The following SLC49A4 variants were observed in gnomAD, a reference collection of about 807,000 sequenced individuals.
The protein encoded by SLC49A4 is solute carrier family 49 member 4.
SLC49A4 carries 36 observed loss-of-function variants against 50.6 expected under a neutral mutation model. The ratio of observed to expected loss-of-function variants is 0.71; its 90% CI spans 0.55 to 0.94. The LOEUF is 0.94. Ranked by LOEUF, SLC49A4 falls within the 40% of genes least tolerant of loss-of-function variation. The pLI is 0.00. For synonymous variants in SLC49A4, 248 were observed against 241.2 expected (o/e 1.03, Z -0.26); for missense variants, 503 against 605.7 (o/e 0.83, Z 1.78).
intron 8 of SLC49A4, among the ~76,000 whole-genome samples, chr3:122,877,329 A>G (rs1209353305): frequency 1.3e-5 from 2 of 152,186 alleles, no homozygotes; most frequent in African/African-American, 2.4e-5. Context: ...GAATTTACTG[A>G]GAGGTGGATT....
chr3:122,806,037 C>T (rs1284864854), intron 1 of SLC49A4, among the ~76,000 whole-genome samples: 2 of 152,138 alleles, frequency 1.3e-5, no homozygotes, highest in African/African-American at 4.8e-5. Flanking sequence ...CTTCCTATGA[C>T]GCTTTAACAA....
At chr3:122,833,587 AT>A in intron 4 of SLC49A4, 141 bp downstream of exon 4, 1 of 744,080 alleles carries the variant, frequency 1.3e-6, no homozygotes, top group Non-Finnish European at 1.9e-6. Context: ...CTAATTGAAT[AT>A]TTTAGATTTC....
intron 4 of SLC49A4, among the ~76,000 whole-genome samples, chr3:122,840,622 T>G (rs187594816): frequency 7.5e-4 from 114 of 152,280 alleles, no homozygotes; most frequent in African/African-American, 2.4e-3. Flanking sequence ...ATGAGATATG[T>G]TATTCATAAC....
chr3:122,845,009 T>TA (rs1038633169), intron 4 of SLC49A4, among the ~76,000 whole-genome samples: 3 of 152,138 alleles, frequency 2.0e-5, no homozygotes, highest in Admixed American at 2.0e-4. Flanking sequence ...GCAGATTTGT[T>TA]ACATGGGTAA....
At chr3:122,876,295 C>T (rs1317964355) in intron 8 of SLC49A4, among the ~76,000 whole-genome samples, 1 of 152,116 alleles carries the variant, frequency 6.6e-6, no homozygotes, top group African/African-American at 2.4e-5. Context: ...AGCTTTGCAG[C>T]GGGTTTTGCT....
At chr3:122,799,843 A>G (rs1044591784) in intron 1 of SLC49A4, among the ~76,000 whole-genome samples, 2 of 152,150 alleles carry the variant, frequency 1.3e-5, no homozygotes, top group African/African-American at 4.8e-5. Context: ...AAGGAAGGAG[A>G]CGAGTCTAAG....
chr3:122,837,151 G>T (rs1398159242), intron 4 of SLC49A4, among the ~76,000 whole-genome samples: 1 of 152,152 alleles, frequency 6.6e-6, no homozygotes, highest in African/African-American at 2.4e-5. Flanking sequence ...GTAATTTATA[G>T]ATTCAATGCC....
chr3:122,874,682 GAC>G (rs1370407763), intron 8 of SLC49A4, among the ~76,000 whole-genome samples: 1 of 152,190 alleles, frequency 6.6e-6, no homozygotes, highest in Non-Finnish European at 1.5e-5. Context: ...TGAGGTTTGG[GAC>G]ATGAATGATC....
chr3:122,800,757 G>A (rs1936117971), intron 1 of SLC49A4, among the ~76,000 whole-genome samples: 1 of 152,102 alleles, frequency 6.6e-6, no homozygotes, highest in African/African-American at 2.4e-5. Context: ...GATGGTGGAT[G>A]ATAAGAGCTT....
At chr3:122,814,200 G>A (rs1365195413) in intron 2 of SLC49A4, among the ~76,000 whole-genome samples, 2 of 152,204 alleles carry the variant, frequency 1.3e-5, no homozygotes, top group Non-Finnish European at 2.9e-5. Context: ...CCTGGGAGGC[G>A]GAGGTTACAG....
At chr3:122,866,683 G>C (rs1234123170) in intron 7 of SLC49A4, among the ~76,000 whole-genome samples, 1 of 152,074 alleles carries the variant, frequency 6.6e-6, no homozygotes, top group African/African-American at 2.4e-5. Flanking sequence ...TGTCATGTCT[G>C]ACCTTAGCTT....
intron 2 of SLC49A4, among the ~76,000 whole-genome samples, chr3:122,817,325 A>G (rs985108304): frequency 6.6e-6 from 1 of 152,218 alleles, no homozygotes; most frequent in African/African-American, 2.4e-5. Flanking sequence ...GCGGGCGGCC[A>G]CTACAAGCTG....
At chr3:122,852,435 A>C (rs1486631108) in intron 5 of SLC49A4, among the ~76,000 whole-genome samples, 2 of 152,028 alleles carry the variant, frequency 1.3e-5, no homozygotes, top group Non-Finnish European at 2.9e-5. Context: ...TATATGTTTG[A>C]TATTTGGTAA....
At chr3:122,853,105 A>G (rs1171954634) in intron 5 of SLC49A4, among the ~76,000 whole-genome samples, 1 of 152,194 alleles carries the variant, frequency 6.6e-6, no homozygotes, top group African/African-American at 2.4e-5. Flanking sequence ...TGGAGGCTAG[A>G]AAGTCCAAGA....
At position 122,823,825 on chromosome 3, in the gene SLC49A4, G is replaced by A. The variant is rs150911508; in HGVS notation, c.438-2975G>A. 3.5e-3 allele frequency among the ~76,000 whole-genome samples: 525 copies of A among 152,046 alleles called. 3 individuals carry two copies. Among genetic ancestry groups the A allele is most frequent in the Non-Finnish European group, 4.6e-3 (313 of 67,992 alleles). On this transcript the variant is annotated intron_variant, in intron 2 of 8. Coordinates refer to ENST00000261038, the MANE Select transcript of SLC49A4 (RefSeq NM_032839.3). ...ACATATCTTTTTACAGATTTATTTCGTAAAATGATGTTTGTTAATGGTAGG... is the reference window on the plus strand; with the variant it reads ...ACATATCTTTTTACAGATTTATTTCATAAAATGATGTTTGTTAATGGTAGG...
intron 2 of SLC49A4, among the ~76,000 whole-genome samples, chr3:122,818,109 TTAA>T (rs924667667): frequency 1.3e-5 from 2 of 152,216 alleles, no homozygotes; most frequent in African/African-American, 4.8e-5. Flanking sequence ...ACCAGCATTA[TTAA>T]TATTAGCAAA....
chr3:122,845,964 T>C (rs1936842595), intron 5 of SLC49A4, 93 bp downstream of exon 5: 1 of 836,114 alleles, frequency 1.2e-6, no homozygotes, highest in East Asian at 2.9e-5. Context: ...CTTCAAGGAC[T>C]GGGTAAAACA....
chr3:122,860,262 ACT>A, intron 7 of SLC49A4, 60 bp downstream of exon 7: 1 of 1,421,976 alleles, frequency 7.0e-7, no homozygotes, highest in Non-Finnish European at 9.3e-7. Flanking sequence ...AGTGTACATA[ACT>A]CTGACAGTAG....
intron 7 of SLC49A4, among the ~76,000 whole-genome samples, chr3:122,861,972 G>C (rs1937062382): frequency 6.6e-6 from 1 of 152,040 alleles, no homozygotes; most frequent in South Asian, 2.1e-4. Context: ...TAATTTTTTT[G>C]GTGGTTGCTG....
Sources: allele counts gnomAD v4.1 joint callset (sites outside exome capture counted in the v4.1 genomes callset), GRCh38; gene constraint gnomAD v4.1.1; transcripts MANE v1.5; gene names NCBI Gene and HGNC (gene_info 2026-07-23, HGNC 2026-07-21).